Variants in DDI2 observed in about 807,000 individuals in gnomAD.
The protein encoded by DDI2 is protein DDI1 homolog 2.
In DDI2, 5 loss-of-function variants were observed where a neutral mutation model predicts 48.1. That is an observed-to-expected ratio of 0.10 (90% CI 0.05 to 0.22). The LOEUF is 0.22. Ranked by LOEUF, DDI2 falls within the 10% of genes least tolerant of loss-of-function variation. The probability of loss-of-function intolerance (pLI) is 1.00; values close to 1 mark genes in which losing one functional copy is unlikely to be tolerated. For synonymous variants in DDI2, 205 were observed against 183.6 expected (o/e 1.12, Z -0.94); for missense variants, 285 against 506.2 (o/e 0.56, Z 4.19).
intron 1 of DDI2, among the ~76,000 whole-genome samples, chr1:15,618,550 T>C (rs1283130067): frequency 6.6e-6 from 1 of 152,218 alleles, no homozygotes; most frequent in African/African-American, 2.4e-5. Context: ...CAAAGCTCAA[T>C]GCTTTAAAAG....
In DDI2 at chr1:15,667,297, A is replaced by G. The variant is rs1265237848; in HGVS notation, c.*7507A>G. 6.6e-6 allele frequency: 1 copy of G among 152,198 alleles called. No individual in the cohort carries two copies. Among genetic ancestry groups the G allele is most frequent in the South Asian group, 2.1e-4 (1 of 4,828 alleles). 9.4% of individuals were successfully genotyped at this position (152,198 alleles called of 1,614,324 possible). A position where few individuals can be genotyped will look rare whatever the true frequency, so the allele number is the denominator to read the frequency against. On this transcript the variant is annotated 3_prime_UTR_variant, in exon 10 of 10. Transcript: ENST00000480945. ...GCCTGAGGAGATCAGTTATTGAGAAATCCATTTACAATGCTGGAGGAGAGG... is the reference window on the plus strand; with the variant it reads ...GCCTGAGGAGATCAGTTATTGAGAAGTCCATTTACAATGCTGGAGGAGAGG...
chr1:15,642,479 GTACT>G (rs1377270936), intron 5 of DDI2, among the ~76,000 whole-genome samples: 3 of 152,176 alleles, frequency 2.0e-5, no homozygotes, highest in Non-Finnish European at 4.4e-5. Flanking sequence ...AGTAAATAAT[GTACT>G]TACTTGTTTA....
At chr1:15,643,728 A>T in intron 6 of DDI2, 78 bp downstream of exon 6, 1 of 1,551,660 alleles carries the variant, frequency 6.4e-7, no homozygotes, top group Non-Finnish European at 8.7e-7. Flanking sequence ...AAGTTTTTAG[A>T]GGGTCTTTTG....
chr1:15,623,556 G>GCTTCTTCTTCTTCTT (rs140856838), intron 1 of DDI2, among the ~76,000 whole-genome samples: 40,588 of 141,482 alleles, frequency 0.29, 5,977 homozygotes, highest in African/African-American at 0.45. Flanking sequence ...ACCATGCCTG[G>GCTTCTTCTTCTTCTT]CTTATTATTA....
intron 5 of DDI2, among the ~76,000 whole-genome samples, chr1:15,642,722 C>T (rs1185404273): frequency 6.6e-6 from 1 of 152,112 alleles, no homozygotes; most frequent in Non-Finnish European, 1.5e-5. Context: ...TGAGGAGTTC[C>T]AGACCAGCCT....
At chr1:15,658,689 G>T (rs1456775378) in intron 9 of DDI2, among the ~76,000 whole-genome samples, 1 of 151,366 alleles carries the variant, frequency 6.6e-6, no homozygotes, top group East Asian at 1.9e-4. Flanking sequence ...GGGAGGCGGA[G>T]GTTGCGGTGA....
rs1640409568 is a variant in DDI2, at chr1:15,663,463, T to A, written c.*3673T>A. The A allele has an allele frequency of 6.6e-6, 1 of 152,174 alleles. No individual in the cohort carries two copies. Among genetic ancestry groups the A allele is most frequent in the African/African-American group, 2.4e-5 (1 of 41,436 alleles). The allele number at this position is 152,174 out of a possible 1,614,324, so 9.4% of individuals were successfully genotyped here. On this transcript the variant is annotated 3_prime_UTR_variant, in exon 10 of 10. Transcript: ENST00000480945. ...CGTAGATTCATCATGATCCTTTATG[T>A]AGTTAGGAAATGGTTGACAGAAGGA... is the stretch of plus-strand genomic sequence containing the variant.
At chr1:15,649,197 C>G (rs1487017841) in intron 6 of DDI2, among the ~76,000 whole-genome samples, 1 of 151,856 alleles carries the variant, frequency 6.6e-6, no homozygotes, top group Non-Finnish European at 1.5e-5. Context: ...AACCCTGTCT[C>G]TACTAAAAAT....
At chr1:15,647,538 T>C (rs1341984430) in intron 6 of DDI2, among the ~76,000 whole-genome samples, 2 of 152,210 alleles carry the variant, frequency 1.3e-5, no homozygotes, top group Admixed American at 1.3e-4. Context: ...GTGAAACTAC[T>C]GAATCAAAGT....
chr1:15,654,335 C>G (rs1258875584), intron 8 of DDI2, among the ~76,000 whole-genome samples: 1 of 152,114 alleles, frequency 6.6e-6, no homozygotes, highest in Non-Finnish European at 1.5e-5. Flanking sequence ...ACTCCATCAC[C>G]TTTTGGCTTA....
At chr1:15,637,460 C>T (rs765036965) in intron 4 of DDI2, among the ~76,000 whole-genome samples, 4 of 152,142 alleles carry the variant, frequency 2.6e-5, no homozygotes, top group East Asian at 3.9e-4. Flanking sequence ...CTCCGCCCCC[C>T]GGGTTCAAGC....
chr1:15,618,964 A>G (rs1026879523), intron 1 of DDI2, among the ~76,000 whole-genome samples: 2 of 152,228 alleles, frequency 1.3e-5, no homozygotes, highest in African/African-American at 4.8e-5. Flanking sequence ...CCTTTACACA[A>G]TGTGAACTTT....
rs971288715 is a variant in DDI2, at chr1:15,661,087, C to G, written c.*1297C>G. ...ATGGACCCAAAATGAGCATCTTACC[C>G]AGAATGAACAGTGTCCACAAGTCTC... On this transcript the variant is annotated 3_prime_UTR_variant, in exon 10 of 10. Coordinates refer to ENST00000480945, the MANE Select transcript of DDI2 (RefSeq NM_032341.5). 6.2e-6 allele frequency: 10 copies of G among 1,613,880 alleles called. No homozygotes were observed. Among genetic ancestry groups the G allele is most frequent in the African/African-American group, 1.3e-5 (1 of 74,898 alleles).
intron 4 of DDI2, among the ~76,000 whole-genome samples, chr1:15,636,483 CAAAA>C (rs535778372): frequency 7.0e-6 from 1 of 142,316 alleles, no homozygotes; most frequent in Admixed American, 7.1e-5. Flanking sequence ...TAAAACAGGG[CAAAA>C]AAAAAAAAAG....
Position 15,643,659 on chromosome 1 carries a change from A to T in DDI2, c.889+9A>T. On this transcript the variant is annotated intron_variant, in intron 6 of 9. Transcript: ENST00000480945. ...TGGAAGGGTACATCTAGGTGAGCAA[A>T]AGGCACTGGGGCTTGCTGTCTTTCT... The T allele has an allele frequency of 6.2e-7, 1 of 1,613,760 alleles. No homozygotes were observed. The highest frequency in any genetic ancestry group is 1.7e-4 in the Middle Eastern group (1 of 6,060).
At position 15,659,891 on chromosome 1, in the gene DDI2, A is replaced by G; in HGVS notation, c.*101A>G. 2 of 1,589,752 alleles carry G rather than the reference A, an allele frequency of 1.3e-6. No individual in the cohort carries two copies. The highest frequency in any genetic ancestry group is 1.7e-6 in the Non-Finnish European group (2 of 1,171,084). On this transcript the variant is annotated 3_prime_UTR_variant, in exon 10 of 10. Coordinates refer to ENST00000480945, the MANE Select transcript of DDI2 (RefSeq NM_032341.5). ...GGAATGTCATCATTACCAACTTCAG[A>G]TGGGTTTAACCATCCCGCCCGTTCT...
intron 2 of DDI2, 66 bp downstream of exon 2, chr1:15,626,864 C>A: frequency 6.3e-7 from 1 of 1,599,798 alleles, no homozygotes; most frequent in Non-Finnish European, 8.5e-7. Flanking sequence ...CATAGCACCT[C>A]AGAGTTTTGG....
intron 6 of DDI2, among the ~76,000 whole-genome samples, chr1:15,648,603 C>G (rs1472815306): frequency 6.6e-6 from 1 of 151,826 alleles, no homozygotes; most frequent in African/African-American, 2.4e-5. Flanking sequence ...AGAAACAAAC[C>G]CATGATTCTA....
In DDI2 at chr1:15,668,151, A is replaced by G. The variant is rs1640482029; in HGVS notation, c.*8361A>G. 6.6e-6 allele frequency: 1 copy of G among 152,042 alleles called. No individual in the cohort carries two copies. Among genetic ancestry groups the G allele is most frequent in the African/African-American group, 2.4e-5 (1 of 41,402 alleles). The allele number at this position is 152,042 out of a possible 1,614,324, so 9.4% of individuals were successfully genotyped here. On this transcript the variant is annotated 3_prime_UTR_variant, in exon 10 of 10. Coordinates refer to ENST00000480945, the MANE Select transcript of DDI2 (RefSeq NM_032341.5). ...GAACATGCATTTCTGATGGGAAGTTATTTTGTTTACAAGAGTTGGTTTTAC... is the reference window on the plus strand; with the variant it reads ...GAACATGCATTTCTGATGGGAAGTTGTTTTGTTTACAAGAGTTGGTTTTAC...
Sources: gnomAD v4.1 joint callset for allele counts (sites outside exome capture counted in the v4.1 genomes callset) on GRCh38, gnomAD v4.1.1 for gene constraint, MANE v1.5 for transcripts, NCBI Gene and HGNC (gene_info 2026-07-23, HGNC 2026-07-21) for gene names.